The following MICAL2 variants were observed in gnomAD, a reference collection of about 807,000 sequenced individuals.
The protein encoded by MICAL2 is microtubule associated monooxygenase, calponin and LIM domain containing 2.
A neutral mutation model predicts 127.3 loss-of-function variants in MICAL2; 77 were observed. The ratio of observed to expected loss-of-function variants is 0.60; its 90% CI spans 0.50 to 0.73. The LOEUF is 0.73. Among genes scored for constraint, MICAL2 ranks in the 30% least tolerant of loss-of-function variants. The probability of loss-of-function intolerance (pLI) is 0.00; values close to 1 mark genes in which losing one functional copy is unlikely to be tolerated. For synonymous variants in MICAL2, 570 were observed against 551.1 expected (o/e 1.03, Z -0.48); for missense variants, 1,351 against 1,434.4 (o/e 0.94, Z 0.94).
chr11:12,254,057 A>T (rs1177456865), intron 22 of MICAL2: 1 of 152,200 alleles, frequency 6.6e-6, no homozygotes, highest in Admixed American at 6.5e-5. Flanking sequence ...CCAGCAAAGG[A>T]TGCTCCTATC....
At chr11:12,119,385 A>T (rs1850316574) in intron 1 of MICAL2, among the ~76,000 whole-genome samples, 1 of 152,204 alleles carries the variant, frequency 6.6e-6, no homozygotes, top group African/African-American at 2.4e-5. Context: ...TTAATTCTTC[A>T]TCGCTCTTAT....
At chr11:12,139,389 G>C (rs1195854569) in intron 2 of MICAL2, among the ~76,000 whole-genome samples, 1 of 152,202 alleles carries the variant, frequency 6.6e-6, no homozygotes, top group Non-Finnish European at 1.5e-5. Flanking sequence ...GCCTTGGCAG[G>C]GCGTTGAAGA....
chr11:12,297,745 T>A (rs1362605979), intron 29 of MICAL2, among the ~76,000 whole-genome samples: 1 of 151,976 alleles, frequency 6.6e-6, no homozygotes, highest in African/African-American at 2.4e-5. Context: ...TTTCCCTGGC[T>A]ATCCTAAAAA....
chr11:12,191,539 G>A (rs1859121926), intron 3 of MICAL2, among the ~76,000 whole-genome samples: 1 of 151,604 alleles, frequency 6.6e-6, no homozygotes, highest in Non-Finnish European at 1.5e-5. Context: ...CAAGGCAGGT[G>A]GATTGCTTGA....
rs563949229 is a variant in MICAL2 at position 12,159,828 on chromosome 11, G to C, written c.-77-2251G>C. On this transcript the variant is annotated intron_variant, in intron 2 of 27. Coordinates refer to ENST00000683283, the MANE Select transcript of MICAL2 (RefSeq NM_001282663.2). ...TGCACATGGGGAAAGTGGAGACATA[G>C]TAGGAGGCAGTGTTTATGTGAGTCA... Among the ~76,000 whole-genome samples the C allele has an allele frequency of 3.3e-4, 51 of 152,332 alleles. No individual in the cohort carries two copies. The South Asian group carries it at 0.01, about 31-fold the overall frequency.
At chr11:12,223,278 G>A in intron 11 of MICAL2, 133 bp from the exon 12 acceptor site, 3 of 724,986 alleles carry the variant, frequency 4.1e-6, no homozygotes, top group Non-Finnish European at 7.0e-6. Flanking sequence ...GCGTTCCCTT[G>A]CCGAAGGTCA....
chr11:12,304,418 G>A (rs186709991), intron 29 of MICAL2, among the ~76,000 whole-genome samples: 5 of 152,066 alleles, frequency 3.3e-5, no homozygotes, highest in African/African-American at 1.2e-4. Context: ...ATCACCTGAG[G>A]TGGGCAGTTT....
intron 30 of MICAL2, among the ~76,000 whole-genome samples, chr11:12,323,637 C>T (rs1022280948): frequency 1.3e-5 from 2 of 152,184 alleles, no homozygotes; most frequent in Non-Finnish European, 2.9e-5. Context: ...TCCCAATACA[C>T]ACATAGCAGC....
chr11:12,353,180 TA>T (rs1351275976), intron 33 of MICAL2, among the ~76,000 whole-genome samples: 4 of 152,026 alleles, frequency 2.6e-5, no homozygotes, highest in African/African-American at 9.7e-5. Flanking sequence ...CCAGCACCTA[TA>T]GGGGTGATGT....
At chr11:12,299,336 G>A (rs1447178789) in intron 29 of MICAL2, among the ~76,000 whole-genome samples, 1 of 151,942 alleles carries the variant, frequency 6.6e-6, no homozygotes, top group East Asian at 1.9e-4. Flanking sequence ...TGACACTGTT[G>A]CCTCCGCATT....
chr11:12,356,866 A>G (rs1240625529), intron 34 of MICAL2, among the ~76,000 whole-genome samples: 3 of 152,194 alleles, frequency 2.0e-5, no homozygotes, highest in Admixed American at 1.3e-4. Context: ...ACCATGAAGT[A>G]CTGTCTTATG....
downstream of MICAL2, chr11:12,293,931 G>T: frequency 6.2e-7 from 1 of 1,613,146 alleles, no homozygotes; most frequent in Non-Finnish European, 8.5e-7. Context: ...GAAGAAGAGG[G>T]AGGGCCAGTG....
chr11:12,150,996 G>A (rs1383033931), intron 2 of MICAL2, among the ~76,000 whole-genome samples: 2 of 152,104 alleles, frequency 1.3e-5, no homozygotes, highest in South Asian at 2.1e-4. Context: ...AGGCCCCTCC[G>A]TTTAATTTTC....
intron 32 of MICAL2, chr11:12,349,696 G>C (rs1939015531): frequency 3.0e-6 from 2 of 675,302 alleles, no homozygotes; most frequent in African/African-American, 3.6e-5. Context: ...CCATAACCTG[G>C]AGGCACCTAC....
intron 32 of MICAL2, among the ~76,000 whole-genome samples, chr11:12,337,719 G>C (rs1282184181): frequency 6.6e-6 from 1 of 152,088 alleles, no homozygotes; most frequent in Non-Finnish European, 1.5e-5. Context: ...GTACCCAGTA[G>C]TCATTCAGGA....
intron 5 of MICAL2, 129 bp from the exon 6 acceptor site, chr11:12,209,368 C>CCA: frequency 1.3e-6 from 1 of 758,388 alleles, no homozygotes; most frequent in Non-Finnish European, 2.3e-6. Context: ...TAGCCTTTCC[C>CCA]CTGGAGGCTC....
At chr11:12,330,272 G>A (rs961218923) in intron 32 of MICAL2, among the ~76,000 whole-genome samples, 5 of 152,100 alleles carry the variant, frequency 3.3e-5, no homozygotes, top group East Asian at 1.9e-4. Context: ...AATGACCAAC[G>A]CTTATTAGGT....
intron 3 of MICAL2, among the ~76,000 whole-genome samples, chr11:12,191,610 C>CA (rs1859134299): frequency 6.6e-6 from 1 of 151,462 alleles, no homozygotes; most frequent in South Asian, 2.1e-4. Flanking sequence ...CAAAGAAATA[C>CA]AAAAAAATTA....
intron 26 of MICAL2, chr11:12,261,259 C>T: frequency 1.0e-6 from 1 of 985,470 alleles, no homozygotes. Flanking sequence ...AAAACAGAAA[C>T]CAATTTCACA....
Sources: allele counts gnomAD v4.1 joint callset (sites outside exome capture counted in the v4.1 genomes callset), GRCh38; gene constraint gnomAD v4.1.1; transcripts MANE v1.5; gene names NCBI Gene and HGNC (gene_info 2026-07-23, HGNC 2026-07-21).